Variants in BDP1 observed in about 807,000 individuals in gnomAD.
The protein encoded by BDP1 is transcription factor TFIIIB component B'' homolog.
A neutral mutation model predicts 266.6 loss-of-function variants in BDP1; 169 were observed. That is an observed-to-expected ratio of 0.63 (90% confidence interval 0.56 to 0.72). BDP1 has a LOEUF of 0.72. BDP1 is among the 30% of genes least tolerant of loss of function. The pLI is 0.00. For missense variants in BDP1, 3,015 were observed against 3,053.8 expected (o/e 0.99, Z 0.30); for synonymous variants, 1,090 against 1,022.4 (o/e 1.07, Z -1.26).
At chr5:71,552,920 T>G (rs1055459937) in intron 34 of BDP1, among the ~76,000 whole-genome samples, 196 bp from the exon 35 acceptor site, 22 of 152,122 alleles carry the variant, frequency 1.4e-4, no homozygotes, top group African/African-American at 4.8e-4. Context: ...TGAATGGAGC[T>G]CAAAACTATT....
rs543586544 is a variant in BDP1, at chr5:71,459,191, G to A, written c.489+336G>A. Among the ~76,000 whole-genome samples, 48 of 152,244 alleles carry A rather than the reference G, an allele frequency of 3.2e-4. 1 individual carries two copies. The highest frequency in any genetic ancestry group is 1.1e-3 in the African/African-American group (47 of 41,550). ...TGATTTTTCACATAAAGATGTCCAA[G>A]TGATAAGTGATATATTTATTTGAAT... On this transcript the variant is annotated intron_variant, in intron 2 of 38. Coordinates refer to ENST00000358731, the MANE Select transcript of BDP1 (RefSeq NM_018429.3).
intron 22 of BDP1, among the ~76,000 whole-genome samples, chr5:71,521,847 G>T (rs1765512564): frequency 6.6e-6 from 1 of 152,096 alleles, no homozygotes; most frequent in South Asian, 2.1e-4. Flanking sequence ...GTCTACTTTA[G>T]AACTAGAAGT....
At chr5:71,458,459 C>G in intron 1 of BDP1, 120 bp from the exon 2 acceptor site, 1 of 731,020 alleles carries the variant, frequency 1.4e-6, no homozygotes, top group Non-Finnish European at 2.2e-6. Flanking sequence ...TCTCAAGTTA[C>G]TAATTTTTTT....
intron 35 of BDP1, among the ~76,000 whole-genome samples, chr5:71,556,477 A>G (rs1561788750): frequency 6.6e-6 from 1 of 152,158 alleles, no homozygotes; most frequent in African/African-American, 2.4e-5. Context: ...TTTTTCAAGA[A>G]TGAATATCAT....
chr5:71,511,078 C>T lies in BDP1; in HGVS notation c.3986C>T (p.Ser1329Leu). ...AACGAGCTAGAGGAGACCAGTACCT[C>T]AAGACAAACTGACACACATTTAATG... ...RENELEETST[S>L]RQTDTHLMQS... is the part of the protein sequence containing the mutation. Residue 1329 changes from serine to leucine, a missense_variant, in exon 17 of 39, where the codon TCA (serine) becomes TTA (leucine). Physicochemically the swap from Ser to Leu is moderately radical, Grantham distance 145 (BLOSUM62 -2). Transcript: ENST00000358731. 6.2e-7 allele frequency: 1 copy of T among 1,614,136 alleles called. No homozygotes were observed. The highest frequency in any genetic ancestry group is 8.5e-7 in the Non-Finnish European group (1 of 1,180,016).
intron 15 of BDP1, 72 bp downstream of exon 15, chr5:71,502,863 C>T: frequency 8.9e-7 from 1 of 1,124,418 alleles, no homozygotes; most frequent in Non-Finnish European, 1.3e-6. Flanking sequence ...TTCCCTTCAC[C>T]CACATACTTA....
At position 71,513,531 on chromosome 5, in the gene BDP1, GA is replaced by G. The variant is rs1160206569; in HGVS notation, c.4470+125del. 3 of 667,548 alleles carry G rather than the reference GA, an allele frequency of 4.5e-6. No individual in the cohort carries two copies. In the African/African-American group the frequency reaches 5.5e-5, roughly 12 times the overall value. 41.4% of individuals were successfully genotyped at this position (667,548 alleles called of 1,614,324 possible). On this transcript the variant is annotated intron_variant, in intron 19 of 38. Transcript: ENST00000358731. ...TTTCTGTGTAATTTTTGCTGCATGT[GA>G]TATTGCTCCCATGCTTAATGTGCCT...
At chr5:71,536,765 G>A (rs1250924934) in intron 26 of BDP1, among the ~76,000 whole-genome samples, 1 of 152,124 alleles carries the variant, frequency 6.6e-6, no homozygotes, top group African/African-American at 2.4e-5. Context: ...AGGAGGTTGA[G>A]GTTGCAGTAA....
At chr5:71,465,036 A>G (rs1761820108) in intron 4 of BDP1, among the ~76,000 whole-genome samples, 2 of 151,720 alleles carry the variant, frequency 1.3e-5, no homozygotes, top group Non-Finnish European at 2.9e-5. Context: ...TAGTTTTTGA[A>G]GAGTTTTTTT....
chr5:71,458,824 A>G lies in BDP1; in HGVS notation c.458A>G (p.Glu153Gly). 6.2e-7 allele frequency: 1 copy of G among 1,612,200 alleles called. No homozygotes were observed. The highest frequency in any genetic ancestry group is 1.1e-5 in the South Asian group (1 of 90,444). ...ATATACAAAGCCCAGAAACTGAGGG[A>G]AATGTTAAAAGAAGAATTGAGAAAA... Reference protein sequence around the residue: ...YRIYKAQKLREMLKEELRKEK... With the variant: ...YRIYKAQKLRGMLKEELRKEK... Residue 153 changes from glutamate (E) to glycine (G), a missense_variant, in exon 2 of 39, where the codon GAA (glutamate) becomes GGA (glycine). Glu to Gly is a moderately conservative substitution (Grantham distance 98). Around this residue, in one of 3 missense-constraint regions of BDP1, gnomAD observed 2,383 missense variants for 2,404.9 expected, o/e 0.99. Transcript: ENST00000358731.
chr5:71,559,508 A>C (rs909470988), intron 36 of BDP1, among the ~76,000 whole-genome samples: 3 of 152,318 alleles, frequency 2.0e-5, no homozygotes, highest in Admixed American at 2.0e-4. Flanking sequence ...ATTTTGTCCT[A>C]ATCTTTGGCT....
At chr5:71,574,176 A>G in the BDP1 span, among the ~76,000 whole-genome samples, 9 of 152,202 alleles carry the variant, frequency 5.9e-5, no homozygotes, top group Admixed American at 2.6e-4. Context: ...AAATGGGAAA[A>G]TATTATAATT....
intron 25 of BDP1, 72 bp downstream of exon 25, chr5:71,524,395 A>T: frequency 7.2e-7 from 1 of 1,392,524 alleles, no homozygotes; most frequent in South Asian, 1.4e-5. Context: ...TTAGGGGATC[A>T]TTATTTCTTC....
chr5:71,564,673 G>C (rs1162204100), intron 38 of BDP1, 81 bp from the exon 39 acceptor site: 3 of 1,237,218 alleles, frequency 2.4e-6, no homozygotes, highest in Admixed American at 2.6e-5. Flanking sequence ...TATTGGTTTA[G>C]ACTGCTATAT....
At chr5:71,560,482 T>C (rs1400526040) in intron 37 of BDP1, among the ~76,000 whole-genome samples, 1 of 152,218 alleles carries the variant, frequency 6.6e-6, no homozygotes, top group East Asian at 1.9e-4. Context: ...TGTACACTTA[T>C]TTTTTTAGAT....
intron 6 of BDP1, among the ~76,000 whole-genome samples, chr5:71,468,638 C>T (rs1762053926): frequency 7.1e-6 from 1 of 141,338 alleles, no homozygotes. Flanking sequence ...TGGAGTTTCG[C>T]TCTTGTCGCC....
At chr5:71,557,603 C>T (rs1420355030) in intron 36 of BDP1, among the ~76,000 whole-genome samples, 1 of 151,984 alleles carries the variant, frequency 6.6e-6, no homozygotes, top group Non-Finnish European at 1.5e-5. Flanking sequence ...CCAGGATGGT[C>T]TTGATCTCCT....
At chr5:71,568,829 A>T (rs923358785), downstream of BDP1, among the ~76,000 whole-genome samples, 1 of 152,202 alleles carries the variant, frequency 6.6e-6, no homozygotes, top group Non-Finnish European at 1.5e-5. Flanking sequence ...GTCAAAAATC[A>T]AGAAAATAAA....
intron 32 of BDP1, among the ~76,000 whole-genome samples, chr5:71,547,628 A>T (rs1387845748): frequency 6.6e-6 from 1 of 152,170 alleles, no homozygotes; most frequent in Non-Finnish European, 1.5e-5. Flanking sequence ...TCAGTTACTG[A>T]CATTGTTGGT....
Sources: allele counts gnomAD v4.1 joint callset (sites outside exome capture counted in the v4.1 genomes callset), GRCh38; gene constraint gnomAD v4.1.1; regional missense constraint gnomAD v4.1.1; transcripts MANE v1.5; gene names NCBI Gene and HGNC (gene_info 2026-07-23, HGNC 2026-07-21).